The following ANO3 variants were observed in gnomAD, a reference collection of about 807,000 sequenced individuals.
The protein encoded by ANO3 is anoctamin-3.
Under a neutral mutation model 144.8 loss-of-function variants are expected in ANO3, and 99 were observed. The observed-to-expected ratio is 0.68, with a 90% CI of 0.58 to 0.81. The LOEUF is 0.81. Ranked by LOEUF, ANO3 falls within the 30% of genes least tolerant of loss-of-function variation. The pLI is 0.00. For synonymous variants in ANO3, 414 were observed against 392.6 expected, an observed-to-expected ratio of 1.05 and a Z score of -0.64; for missense variants, 905 against 1,202.2, an observed-to-expected ratio of 0.75 and a Z score of 3.66.
chr11:26,639,932 G>C (rs1162564473), intron 21 of ANO3, among the ~76,000 whole-genome samples: 1 of 152,120 alleles, frequency 6.6e-6, no homozygotes, highest in African/African-American at 2.4e-5. Flanking sequence ...ATGTCTATTT[G>C]AATAATTTCC....
chr11:26,401,838 T>C (rs1346801873), intron 1 of ANO3, among the ~76,000 whole-genome samples: 1 of 152,010 alleles, frequency 6.6e-6, no homozygotes, highest in East Asian at 1.9e-4. Flanking sequence ...AATTGTGCCA[T>C]AGTCTACCTC....
At chr11:26,280,545 C>T (rs769675367) in intron 1 of ANO3, among the ~76,000 whole-genome samples, 1 of 152,160 alleles carries the variant, frequency 6.6e-6, no homozygotes, top group Non-Finnish European at 1.5e-5. Flanking sequence ...AGTCTTCTCA[C>T]GTTCTTCTGC....
chr11:26,554,923 G>T (rs1213263776), intron 13 of ANO3, among the ~76,000 whole-genome samples: 1 of 151,980 alleles, frequency 6.6e-6, no homozygotes, highest in African/African-American at 2.4e-5. Context: ...GCATTTTGGG[G>T]GTGTTTCCAG....
At chr11:26,638,551 G>A (rs911470630) in intron 20 of ANO3, among the ~76,000 whole-genome samples, 3 of 152,190 alleles carry the variant, frequency 2.0e-5, no homozygotes, top group African/African-American at 7.2e-5. Flanking sequence ...TGTGGGGTTG[G>A]ATCCTGGAGC....
rs1856850446 is a variant in ANO3, at chr11:26,390,635, C to G, written c.47-51283C>G. Among the ~76,000 whole-genome samples the G allele has an allele frequency of 3.3e-5, 5 of 151,892 alleles. No homozygotes were observed. In the South Asian group the frequency reaches 1.0e-3, roughly 32 times the overall value. On this transcript the variant is annotated intron_variant, in intron 1 of 26. Transcript: ENST00000256737. ...GGATATGAACTTCATAATGTAAGCACAAGAATGCTCACAGCTACATAGTTT... is the reference window on the plus strand; with the variant it reads ...GGATATGAACTTCATAATGTAAGCAGAAGAATGCTCACAGCTACATAGTTT...
intron 4 of ANO3, among the ~76,000 whole-genome samples, chr11:26,507,403 A>T (rs1861478113): frequency 1.3e-5 from 2 of 152,224 alleles, no homozygotes; most frequent in Non-Finnish European, 2.9e-5. Flanking sequence ...GATACAACAG[A>T]GTGAAGGCCC....
At chr11:26,429,380 G>A (rs1004290582) in intron 1 of ANO3, among the ~76,000 whole-genome samples, 7 of 151,114 alleles carry the variant, frequency 4.6e-5, no homozygotes, top group African/African-American at 1.7e-4. Flanking sequence ...AAGGAAAGGG[G>A]GAGATAAGGA....
chr11:26,585,635 C>A (rs1179708979), intron 14 of ANO3, among the ~76,000 whole-genome samples: 1 of 152,076 alleles, frequency 6.6e-6, no homozygotes, highest in East Asian at 1.9e-4. Context: ...ACACTCAAAG[C>A]GTGTTCTCAG....
At chr11:26,194,203 G>A (rs1447480122) in intron 1 of ANO3, among the ~76,000 whole-genome samples, 2 of 152,050 alleles carry the variant, frequency 1.3e-5, no homozygotes, top group Non-Finnish European at 2.9e-5. Context: ...CAATTTATAT[G>A]AGGCAAATTG....
chr11:26,587,352 T>G (rs1851315601), intron 14 of ANO3, among the ~76,000 whole-genome samples: 1 of 152,184 alleles, frequency 6.6e-6, no homozygotes, highest in Non-Finnish European at 1.5e-5. Flanking sequence ...CCACATCCAT[T>G]TACATACCTG....
chr11:26,630,492 C>T (rs1010824679), intron 18 of ANO3, among the ~76,000 whole-genome samples: 44 of 152,194 alleles, frequency 2.9e-4, no homozygotes, highest in African/African-American at 1.0e-3. Flanking sequence ...TTACTAAATC[C>T]TGTTTTAGGA....
At chr11:26,457,342 A>AG in intron 3 of ANO3, among the ~76,000 whole-genome samples, 1 of 151,594 alleles carries the variant, frequency 6.6e-6, no homozygotes, top group South Asian at 2.1e-4. Flanking sequence ...CTGAAAAAAA[A>AG]AAAGAAAACA....
chr11:26,324,030 G>A (rs1159294178), intron 1 of ANO3, among the ~76,000 whole-genome samples: 2 of 152,074 alleles, frequency 1.3e-5, no homozygotes, highest in Non-Finnish European at 2.9e-5. Context: ...CATTCACAAG[G>A]TTTATGTTTA....
At chr11:26,332,446 A>AAAAC in intron 1 of ANO3, 125 bp downstream of exon 1, 1 of 655,430 alleles carries the variant, frequency 1.5e-6, no homozygotes, top group Non-Finnish European at 2.3e-6. Context: ...TGTGAAGTTA[A>AAAAC]AAAAAAAAAA....
At chr11:26,359,915 A>T (rs1855879462) in intron 1 of ANO3, among the ~76,000 whole-genome samples, 2 of 147,726 alleles carry the variant, frequency 1.4e-5, no homozygotes, top group African/African-American at 5.0e-5. Flanking sequence ...TTTTATTTAT[A>T]TATAAATGTA....
intron 1 of ANO3, among the ~76,000 whole-genome samples, chr11:26,238,273 T>G (rs1394089560): frequency 6.6e-6 from 1 of 152,146 alleles, no homozygotes; most frequent in Non-Finnish European, 1.5e-5. Context: ...AGCATAACTT[T>G]CTTAGGAGAA....
chr11:26,390,782 T>C (rs1856855088), intron 1 of ANO3, among the ~76,000 whole-genome samples: 1 of 152,136 alleles, frequency 6.6e-6, no homozygotes, highest in Non-Finnish European at 1.5e-5. Context: ...AAGCAAGACT[T>C]GTGGGAAGTA....
rs1023880179 is a variant in ANO3, at chr11:26,614,341, C to G, written c.1837-10121C>G. On this transcript the variant is annotated intron_variant, in intron 17 of 26. Transcript: ENST00000256737. ...TTTATTGGAAGGTTGTGACAAATGCCACATGGGTTTGGATGCCAGGGTCTC... is the reference window on the plus strand; with the variant it reads ...TTTATTGGAAGGTTGTGACAAATGCGACATGGGTTTGGATGCCAGGGTCTC... 2.0e-5 allele frequency among the ~76,000 whole-genome samples: 3 copies of G among 152,164 alleles called. No individual in the cohort carries two copies. In the East Asian group the frequency reaches 5.8e-4, roughly 29 times the overall value.
chr11:26,332,289 C>T lies in ANO3; in HGVS notation c.14C>T (p.Ser5Leu), dbSNP rs1383122313. ...CGCAGAGTGAAAATGGTCCACCATT[C>T]AGGCTCCATTCAGTCCTTTAAACAG... MVHH[S>L]GSIQSFKQQK... Residue 5 changes from serine to leucine, a missense_variant, in exon 1 of 27, where the codon TCA becomes TTA. Physicochemically the swap from Ser to Leu is moderately radical, Grantham distance 145. Around this residue, in one of 4 missense-constraint regions of ANO3, gnomAD observed 174 missense variants for 171.9 expected, o/e 1.01. Coordinates refer to ENST00000256737, the MANE Select transcript of ANO3 (RefSeq NM_031418.4). 1 of 1,614,034 alleles carries T rather than the reference C, an allele frequency of 6.2e-7. No individual in the cohort carries two copies. The highest frequency in any genetic ancestry group is 8.5e-7 in the Non-Finnish European group (1 of 1,180,010).
Sources: gnomAD v4.1 joint callset for allele counts (sites outside exome capture counted in the v4.1 genomes callset) on GRCh38, gnomAD v4.1.1 for gene constraint, gnomAD v4.1.1 regional missense constraint, MANE v1.5 for transcripts, NCBI Gene and HGNC (gene_info 2026-07-23, HGNC 2026-07-21) for gene names.